Variants in NRXN3 observed in about 807,000 individuals in gnomAD.
NRXN3 encodes neurexin III.
In NRXN3, 32 loss-of-function variants were observed where a neutral mutation model predicts 137.6. The ratio of observed to expected loss-of-function variants is 0.23; its 90% CI spans 0.18 to 0.31. The LOEUF (loss-of-function observed/expected upper bound fraction) is 0.31. Among genes scored for constraint, NRXN3 ranks in the 10% least tolerant of loss-of-function variants. NRXN3 has a pLI of 1.00. For missense variants in NRXN3, 1,574 were observed against 2,062.5 expected, an observed-to-expected ratio of 0.76 and a Z score of 4.59; for synonymous variants, 798 against 784.5, an observed-to-expected ratio of 1.02 and a Z score of -0.29.
chr14:78,371,990 C>A (rs2086915470), intron 4 of NRXN3, among the ~76,000 whole-genome samples: 1 of 152,210 alleles, frequency 6.6e-6, no homozygotes, highest in African/African-American at 2.4e-5. Context: ...AATGACTAGA[C>A]ATTCTGGCTT....
At chr14:79,740,435 C>A (rs1332148477) in intron 19 of NRXN3, among the ~76,000 whole-genome samples, 1 of 151,848 alleles carries the variant, frequency 6.6e-6, no homozygotes, top group Non-Finnish European at 1.5e-5. Flanking sequence ...GCCTTCCTGG[C>A]TCTTCACAAT....
intron 20 of NRXN3, chr14:79,853,998 G>A: frequency 1.0e-6 from 1 of 986,552 alleles, no homozygotes; most frequent in South Asian, 4.6e-5. Context: ...TTTATGTTAT[G>A]TGGTGTGGAT....
chr14:79,737,906 C>G (rs1220137205), intron 19 of NRXN3, among the ~76,000 whole-genome samples: 1 of 152,108 alleles, frequency 6.6e-6, no homozygotes, highest in Non-Finnish European at 1.5e-5. Context: ...AAAATCAAGA[C>G]TACTTCCAAA....
intron 15 of NRXN3, among the ~76,000 whole-genome samples, chr14:79,263,540 T>C (rs2153412281): frequency 6.6e-6 from 1 of 152,276 alleles, no homozygotes; most frequent in Non-Finnish European, 1.5e-5. Context: ...TGATTTTTAC[T>C]TGTTTCTATC....
chr14:79,691,071 A>C (rs1402830030), intron 17 of NRXN3, among the ~76,000 whole-genome samples: 2 of 152,086 alleles, frequency 1.3e-5, no homozygotes, highest in Non-Finnish European at 2.9e-5. Flanking sequence ...GAGATAGAAC[A>C]GTTCCCAAGG....
Position 79,593,492 on chromosome 14 carries a change from G to C in NRXN3, c.3445-70286G>C, listed in dbSNP as rs369683057. 3.3e-5 allele frequency among the ~76,000 whole-genome samples: 5 copies of C among 152,000 alleles called. No individual in the cohort carries two copies. In the South Asian group the frequency reaches 1.0e-3, roughly 32 times the overall value. On this transcript the variant is annotated intron_variant, in intron 16 of 20. Transcript: ENST00000335750. Reference sequence around the variant, plus strand: ...AAAAATACAAAAAAATTAGCCGGGCGTGGTGGCGGGCGCCTGTAGTCCCAG... The same window carrying C: ...AAAAATACAAAAAAATTAGCCGGGCCTGGTGGCGGGCGCCTGTAGTCCCAG...
intron 15 of NRXN3, among the ~76,000 whole-genome samples, chr14:79,053,546 A>C (rs2099645144): frequency 6.6e-6 from 1 of 152,160 alleles, no homozygotes; most frequent in Non-Finnish European, 1.5e-5. Flanking sequence ...AAAGAGGAGA[A>C]AAGTTTTTCA....
intron 15 of NRXN3, among the ~76,000 whole-genome samples, chr14:79,266,925 C>T (rs1376647233): frequency 1.3e-5 from 2 of 152,148 alleles, no homozygotes; most frequent in East Asian, 1.9e-4. Context: ...TTTTTAATCT[C>T]TAAATTGTAA....
At chr14:79,131,610 A>G (rs1490597099) in intron 15 of NRXN3, among the ~76,000 whole-genome samples, 3 of 152,216 alleles carry the variant, frequency 2.0e-5, no homozygotes, top group African/African-American at 4.8e-5. Flanking sequence ...TTAAGTCTGC[A>G]GAGGTTACTG....
chr14:79,814,689 T>C (rs1316742972), intron 20 of NRXN3, among the ~76,000 whole-genome samples: 2 of 152,214 alleles, frequency 1.3e-5, no homozygotes, highest in African/African-American at 2.4e-5. Flanking sequence ...ATCAGTCTTC[T>C]AGTCAGAAAC....
Position 79,867,617 on chromosome 14 carries a change from G to A in NRXN3, c.*5653G>A, listed in dbSNP as rs1441615836. On this transcript the variant is annotated 3_prime_UTR_variant, in exon 21 of 21. Coordinates refer to ENST00000335750, the MANE Select transcript of NRXN3 (RefSeq NM_001330195.2). The stretch of plus-strand genomic sequence containing the variant: ...CCAATACAGTCATGTTTGGGGTTGG[G>A]ACTTCAACATATGAATGTTGGAGGG... 6.6e-6 allele frequency: 1 copy of A among 152,146 alleles called. No individual in the cohort carries two copies. Among genetic ancestry groups the A allele is most frequent in the Non-Finnish European group, 1.5e-5 (1 of 68,054 alleles). The allele number at this position is 152,146 out of a possible 1,614,324, so 9.4% of individuals were successfully genotyped here.
chr14:79,258,456 C>T (rs2077094523), intron 15 of NRXN3, among the ~76,000 whole-genome samples: 2 of 152,126 alleles, frequency 1.3e-5, no homozygotes, highest in Admixed American at 6.5e-5. Flanking sequence ...CTGCCCATCT[C>T]GGCCTCCCAA....
At chr14:78,883,321 A>G (rs1461179050) in intron 10 of NRXN3, among the ~76,000 whole-genome samples, 1 of 152,230 alleles carries the variant, frequency 6.6e-6, no homozygotes, top group Non-Finnish European at 1.5e-5. Context: ...TCTGTAAAGA[A>G]GAGTGACTGG....
intron 15 of NRXN3, among the ~76,000 whole-genome samples, chr14:79,437,027 C>A (rs1343695692): frequency 6.6e-6 from 1 of 152,094 alleles, no homozygotes; most frequent in Non-Finnish European, 1.5e-5. Flanking sequence ...TGTTTCTCAT[C>A]TCCATGAATC....
At chr14:78,696,129 T>C (rs997069087) in intron 6 of NRXN3, among the ~76,000 whole-genome samples, 4 of 152,036 alleles carry the variant, frequency 2.6e-5, no homozygotes, top group Admixed American at 2.6e-4. Flanking sequence ...ATAATCCAGC[T>C]AGCTGAAGAA....
intron 10 of NRXN3, among the ~76,000 whole-genome samples, chr14:78,825,196 C>CAAAAAA (rs11335474): frequency 6.1e-4 from 46 of 75,626 alleles, no homozygotes; most frequent in East Asian, 1.3e-3. Flanking sequence ...GACTCTGCCT[C>CAAAAAA]AAAAAAAAAA....
chr14:79,648,615 C>A lies in NRXN3; in HGVS notation c.3445-15163C>A, dbSNP rs111729153. 2.0e-4 allele frequency among the ~76,000 whole-genome samples: 20 copies of A among 98,616 alleles called. 2 individuals are homozygous for A. The highest frequency in any genetic ancestry group is 5.3e-4 in the African/African-American group (20 of 37,444). The allele number at this position is 98,616 out of a possible 152,430, so 64.7% of individuals were successfully genotyped here. Reference sequence around the variant, plus strand: ...ACAAAAATCAAATCAAAATAATTTTCATTACTCTTCCAATAATTGTGCCTT... The same window carrying A: ...ACAAAAATCAAATCAAAATAATTTTAATTACTCTTCCAATAATTGTGCCTT... On this transcript the variant is annotated intron_variant, in intron 16 of 20. Coordinates refer to ENST00000335750, the MANE Select transcript of NRXN3 (RefSeq NM_001330195.2).
chr14:78,871,195 C>CT (rs2152565915), intron 10 of NRXN3, among the ~76,000 whole-genome samples: 1 of 151,346 alleles, frequency 6.6e-6, no homozygotes, highest in African/African-American at 2.4e-5. Context: ...TAGAGTTCCT[C>CT]TTTTTCCGTA....
intron 4 of NRXN3, among the ~76,000 whole-genome samples, chr14:78,574,156 T>C (rs2096914735): frequency 6.6e-6 from 1 of 152,208 alleles, no homozygotes; most frequent in Admixed American, 6.5e-5. Context: ...CACCTAGATT[T>C]TAGCAGATGT....
Sources: allele counts gnomAD v4.1 joint callset (sites outside exome capture counted in the v4.1 genomes callset), GRCh38; gene constraint gnomAD v4.1.1; transcripts MANE v1.5; gene names NCBI Gene and HGNC (gene_info 2026-07-23, HGNC 2026-07-21).